GRID2: variants seen among roughly 807,000 people sequenced by gnomAD.
GRID2 encodes the protein glutamate ionotropic receptor delta type subunit 2, also known as glutamate receptor ionotropic, delta-2.
In GRID2, 33 loss-of-function variants were observed where a neutral mutation model predicts 114.8. The ratio of observed to expected loss-of-function variants is 0.29; its 90% confidence interval spans 0.22 to 0.38. GRID2 has a LOEUF of 0.38. Among genes scored for constraint, GRID2 ranks in the 10% least tolerant of loss-of-function variants. GRID2 has a pLI of 1.00. For missense variants in GRID2, 1,184 were observed against 1,257.7 expected (o/e 0.94, Z 0.89); for synonymous variants, 505 against 449.9 (o/e 1.12, Z -1.55).
chr4:92,384,630 T>A (rs1560599265), intron 1 of GRID2, among the ~76,000 whole-genome samples: 1 of 90,066 alleles, frequency 1.1e-5, no homozygotes, highest in African/African-American at 4.3e-5. Context: ...ATATTATATA[T>A]AATATATATT....
Position 93,360,833 on chromosome 4 carries a change from AT to A in GRID2, c.1246-34766del, listed in dbSNP as rs534715194. ...TTATAGATGATTAGTGCCATTTTAA[AT>A]TTTTTTTACTCCACATGCAATTTTG... On this transcript the variant is annotated intron_variant, in intron 8 of 15. Transcript: ENST00000282020. Among the ~76,000 whole-genome samples, 7 of 151,384 alleles carry A rather than the reference AT, an allele frequency of 4.6e-5. No individual in the cohort carries two copies. In the South Asian group the frequency reaches 1.3e-3, roughly 27 times the overall value.
intron 14 of GRID2, among the ~76,000 whole-genome samples, chr4:93,713,676 G>T (rs991604560): frequency 7.2e-5 from 11 of 151,936 alleles, no homozygotes; most frequent in African/African-American, 2.7e-4. Flanking sequence ...TTTAGATAGG[G>T]TTACCAAGGA....
intron 11 of GRID2, among the ~76,000 whole-genome samples, chr4:93,467,814 C>T (rs1724435555): frequency 6.6e-6 from 1 of 152,130 alleles, no homozygotes; most frequent in African/African-American, 2.4e-5. Flanking sequence ...ATGTTAAGTT[C>T]TATTGACATT....
intron 2 of GRID2, among the ~76,000 whole-genome samples, chr4:92,600,056 A>ATC (rs1729147782): frequency 1.1e-4 from 13 of 118,324 alleles, no homozygotes; most frequent in Admixed American, 1.0e-3. Flanking sequence ...ATATATATAT[A>ATC]TATATATATA....
intron 8 of GRID2, among the ~76,000 whole-genome samples, chr4:93,305,788 C>T (rs1297905233): frequency 6.6e-6 from 1 of 152,124 alleles, no homozygotes; most frequent in Non-Finnish European, 1.5e-5. Flanking sequence ...CCTTTATTGC[C>T]TCTTGCCTGG....
intron 8 of GRID2, among the ~76,000 whole-genome samples, chr4:93,285,038 G>T (rs1033928680): frequency 1.3e-5 from 2 of 151,948 alleles, no homozygotes; most frequent in Admixed American, 6.6e-5. Flanking sequence ...GGAAGCTTTT[G>T]GTCTCTCAAT....
At chr4:93,012,445 A>G (rs1441769449) in intron 2 of GRID2, among the ~76,000 whole-genome samples, 3 of 152,020 alleles carry the variant, frequency 2.0e-5, no homozygotes, top group Non-Finnish European at 4.4e-5. Flanking sequence ...CTATGAAAAC[A>G]CCTGTACAAC....
rs58631621 is a variant in GRID2 at position 93,166,409 on chromosome 4, A to G, written c.736-40995A>G. ...AAAAGAAGTCAGGTGACCTGGGTCTATTCTCCTTGTCAGCTGGACATCCAG... is the reference window on the plus strand; with the variant it reads ...AAAAGAAGTCAGGTGACCTGGGTCTGTTCTCCTTGTCAGCTGGACATCCAG... On this transcript the variant is annotated intron_variant, in intron 4 of 15. Transcript: ENST00000282020. 1.1e-3 allele frequency among the ~76,000 whole-genome samples: 160 copies of G among 152,278 alleles called. 1 individual carries two copies. Among genetic ancestry groups the G allele is most frequent in the African/African-American group, 3.7e-3 (153 of 41,578 alleles).
chr4:92,487,425 T>C (rs1466415095), intron 1 of GRID2, among the ~76,000 whole-genome samples: 1 of 152,042 alleles, frequency 6.6e-6, no homozygotes, highest in Non-Finnish European at 1.5e-5. Context: ...ATACTACTAC[T>C]AGAACAGGCC....
At chr4:92,931,845 A>G (rs1019802952) in intron 2 of GRID2, among the ~76,000 whole-genome samples, 2 of 151,248 alleles carry the variant, frequency 1.3e-5, no homozygotes, top group Admixed American at 6.6e-5. Flanking sequence ...TTTTTTGACA[A>G]AAACACTCAG....
At chr4:92,438,531 G>T (rs936904913) in intron 1 of GRID2, among the ~76,000 whole-genome samples, 1 of 151,448 alleles carries the variant, frequency 6.6e-6, no homozygotes. Flanking sequence ...ATACTGTAAG[G>T]ATTCTATTAA....
At chr4:92,384,433 AATATATATATATAT>A (rs372161362) in intron 1 of GRID2, among the ~76,000 whole-genome samples, 2,407 of 30,230 alleles carry the variant, frequency 0.08, 132 homozygotes, top group South Asian at 0.15. Context: ...TGTGTGTAGG[AATATATATATATAT>A]ATATATATAT....
intron 11 of GRID2, among the ~76,000 whole-genome samples, chr4:93,472,958 A>AC (rs1724982571): frequency 6.6e-6 from 1 of 152,162 alleles, no homozygotes; most frequent in Non-Finnish European, 1.5e-5. Context: ...CCAGAAACCC[A>AC]CACGACAGGG....
At chr4:93,572,170 T>C (rs573017594) in intron 13 of GRID2, among the ~76,000 whole-genome samples, 1 of 152,262 alleles carries the variant, frequency 6.6e-6, no homozygotes, top group South Asian at 2.1e-4. Context: ...CTTTAGAGGA[T>C]TGTATAAAGA....
intron 2 of GRID2, among the ~76,000 whole-genome samples, chr4:92,753,360 G>A (rs764460880): frequency 1.5e-4 from 23 of 152,126 alleles, no homozygotes; most frequent in African/African-American, 5.1e-4. Flanking sequence ...GGAATGATGC[G>A]TAATAAATGA....
chr4:93,207,964 T>C (rs553007367), intron 5 of GRID2, among the ~76,000 whole-genome samples: 1 of 152,130 alleles, frequency 6.6e-6, no homozygotes, highest in South Asian at 2.1e-4. Context: ...TGAAAGTCTT[T>C]TGATTTTTGC....
chr4:93,250,595 T>C (rs1011171648), intron 8 of GRID2, among the ~76,000 whole-genome samples: 7 of 149,552 alleles, frequency 4.7e-5, no homozygotes, highest in African/African-American at 1.7e-4. Flanking sequence ...GTAACACATA[T>C]TGTTGCCATT....
exon 2 of GRID2, chr4:93,809,501 A>G (rs750072282): frequency 9.2e-5 from 14 of 152,192 alleles, no homozygotes; most frequent in Non-Finnish European, 1.8e-4. Context: ...TCCTGAGCGA[A>G]TAGAATGGTG....
intron 8 of GRID2, among the ~76,000 whole-genome samples, chr4:93,294,565 G>A (rs1489864430): frequency 3.9e-5 from 6 of 152,082 alleles, no homozygotes; most frequent in African/African-American, 1.2e-4. Context: ...TTTTGATTCT[G>A]TTTGCTGGTT....
Sources: allele counts gnomAD v4.1 joint callset (sites outside exome capture counted in the v4.1 genomes callset), GRCh38; gene constraint gnomAD v4.1.1; transcripts MANE v1.5; gene names NCBI Gene and HGNC (gene_info 2026-07-23, HGNC 2026-07-21).